Variants in SPRY3 observed in about 807,000 individuals in gnomAD.
The protein encoded by SPRY3 is sprouty RTK signaling antagonist 3.
Under a neutral mutation model 20.2 loss-of-function variants are expected in SPRY3, and 15 were observed. The ratio of observed to expected loss-of-function variants is 0.74; its 90% CI spans 0.50 to 1.14. SPRY3 has a LOEUF of 1.14. SPRY3 is among the 50% of genes most tolerant of loss of function. The probability of loss-of-function intolerance (pLI) is 0.00; values close to 1 mark genes in which losing one functional copy is unlikely to be tolerated. For missense variants in SPRY3, 364 were observed against 363.9 expected, an observed-to-expected ratio of 1.00 and a Z score of 0.00; for synonymous variants, 143 against 136.5, an observed-to-expected ratio of 1.05 and a Z score of -0.33.
chrX:155,778,124 T>C (rs887013311), downstream of SPRY3: 9 of 166,960 alleles, frequency 5.4e-5, no homozygotes, highest in African/African-American at 2.2e-4. Context: ...GTAACAATTG[T>C]AAATGGTAGA....
chrX:155,728,315 C>T (rs1160462789), intron 2 of SPRY3, among the ~76,000 whole-genome samples: 1 of 152,176 alleles, frequency 6.6e-6, no homozygotes, highest in Non-Finnish European at 1.5e-5. Flanking sequence ...GCTCAAACGC[C>T]ATACTGTGAG....
At chrX:155,718,864 T>C (rs1193180229) in intron 2 of SPRY3, among the ~76,000 whole-genome samples, 2 of 151,996 alleles carry the variant, frequency 1.3e-5, no homozygotes, top group African/African-American at 2.4e-5. Context: ...AAATGAAACA[T>C]GATAGGTAAG....
At position 155,710,804 on chromosome X, in the gene SPRY3, C is replaced by T. The variant is rs769254237; in HGVS notation, c.-282+53779C>T. On this transcript the variant is annotated intron_variant, in intron 2 of 3. Transcript: ENST00000675360. ...ATAATACTAGCTGTGGGTCTGTCAT[C>T]TATGGCTTTTATTATGTTGAAGTAT... is the stretch of plus-strand genomic sequence containing the variant. 5.3e-5 allele frequency among the ~76,000 whole-genome samples: 8 copies of T among 151,758 alleles called. No homozygotes were observed. In the East Asian group the frequency reaches 1.5e-3, roughly 29 times the overall value.
chrX:155,747,410 A>G (rs995957502), intron 2 of SPRY3, among the ~76,000 whole-genome samples: 5 of 151,900 alleles, frequency 3.3e-5, no homozygotes, highest in Admixed American at 3.3e-4. Context: ...AAAAGAAAAG[A>G]TTTTCCTATT....
intron 2 of SPRY3, among the ~76,000 whole-genome samples, chrX:155,670,480 A>T (rs1256915722): frequency 8.9e-6 from 1 of 111,891 alleles, no homozygotes; most frequent in East Asian, 2.8e-4. Context: ...AAATCACTTA[A>T]CTAACAGTCA....
intron 2 of SPRY3, among the ~76,000 whole-genome samples, chrX:155,719,161 G>A (rs915330763): frequency 5.3e-5 from 8 of 152,124 alleles, no homozygotes; most frequent in Admixed American, 1.3e-4. Flanking sequence ...TGCACTGGGG[G>A]AGGGAGAGCC....
chrX:155,704,050 A>G (rs1288693722), intron 2 of SPRY3, among the ~76,000 whole-genome samples: 1 of 151,890 alleles, frequency 6.6e-6, no homozygotes, highest in Non-Finnish European at 1.5e-5. Context: ...TCAAGGCATA[A>G]AATCTATTTA....
chrX:155,692,235 ACTGTGAGG>A (rs2068105232), intron 2 of SPRY3, among the ~76,000 whole-genome samples: 1 of 111,068 alleles, frequency 9.0e-6, no homozygotes, highest in African/African-American at 3.3e-5. Flanking sequence ...TTTTGTGTAC[ACTGTGAGG>A]CAAAAGTCAA....
At chrX:155,635,330 A>AGTGCC (rs1315880311) in intron 1 of SPRY3, among the ~76,000 whole-genome samples, 2 of 111,265 alleles carry the variant, frequency 1.8e-5, no homozygotes, top group Non-Finnish European at 3.8e-5. Flanking sequence ...TATTGTGAAC[A>AGTGCC]GTGCCACAAT....
chrX:155,745,461 A>G (rs2085051747), intron 2 of SPRY3, among the ~76,000 whole-genome samples: 1 of 152,104 alleles, frequency 6.6e-6, no homozygotes, highest in Non-Finnish European at 1.5e-5. Flanking sequence ...TATAAGAGAC[A>G]AAATCTTGTG....
chrX:155,643,679 A>G (rs2067949118), intron 1 of SPRY3, among the ~76,000 whole-genome samples: 1 of 111,522 alleles, frequency 9.0e-6, no homozygotes, highest in Non-Finnish European at 1.9e-5. Flanking sequence ...CTGTCTTATA[A>G]TCCATTTTTT....
chrX:155,723,999 A>G (rs2091080843), intron 2 of SPRY3, among the ~76,000 whole-genome samples: 1 of 152,196 alleles, frequency 6.6e-6, no homozygotes, highest in Admixed American at 6.5e-5. Flanking sequence ...AGCTTTCTCC[A>G]TATGGCTAGC....
At position 155,711,752 on chromosome X, in the gene SPRY3, C is replaced by T. The variant is rs774589998; in HGVS notation, c.-282+54727C>T. Among the ~76,000 whole-genome samples, 28 of 148,542 alleles carry T rather than the reference C, an allele frequency of 1.9e-4. No homozygotes were observed. In the East Asian group the frequency reaches 5.1e-3, roughly 27 times the overall value. ...TTTATCTATTTACTAATTTTGGGAT[C>T]GGTTTGTTCTTGGCTTTCTAGCTCT... On this transcript the variant is annotated intron_variant, in intron 2 of 3. Coordinates refer to ENST00000675360, the Ensembl canonical transcript of SPRY3.
At chrX:155,767,920 T>TTTTG (rs999397657) in intron 2 of SPRY3, 42 bp from the exon 2 acceptor site, 2 of 128,854 alleles carry the variant, frequency 1.6e-5, no homozygotes, top group African/African-American at 5.0e-5. Flanking sequence ...TTTTGTTTTG[T>TTTTG]TTTGTTTTGT....
intron 2 of SPRY3, among the ~76,000 whole-genome samples, chrX:155,755,745 G>A (rs1225589955): frequency 1.3e-5 from 2 of 152,006 alleles, no homozygotes; most frequent in Non-Finnish European, 2.9e-5. Context: ...TTAGCCTTTG[G>A]GCATCTGCTT....
chrX:155,778,342 A>G (rs1398564766), downstream of SPRY3: 1 of 167,050 alleles, frequency 6.0e-6, no homozygotes, highest in African/African-American at 2.4e-5. Context: ...GGCATCATAT[A>G]TTAGCTGTCT....
chrX:155,725,591 A>C (rs2091091876), intron 2 of SPRY3, among the ~76,000 whole-genome samples: 1 of 152,116 alleles, frequency 6.6e-6, no homozygotes, highest in African/African-American at 2.4e-5. Context: ...TTCTAGATTT[A>C]ATAGATTATT....
At chrX:155,782,301 T>G (rs1194591023) in exon 2 of SPRY3, 2 of 166,862 alleles carry the variant, frequency 1.2e-5, no homozygotes, top group African/African-American at 2.4e-5. Flanking sequence ...GAAACACATT[T>G]CTTGAACTCC....
chrX:155,616,100 G>GTCTCTCTCCCTCTCTCTTTCTCTCTC (rs1557348835), intron 1 of SPRY3, among the ~76,000 whole-genome samples: 1 of 42,890 alleles, frequency 2.3e-5, no homozygotes, highest in African/African-American at 5.9e-5. Context: ...TTTATCTGGG[G>GTCTCTCTCCCTCTCTCTTTCTCTCTC]TCTCTCTCTC....
Sources: gnomAD v4.1 joint callset for allele counts (sites outside exome capture counted in the v4.1 genomes callset) on GRCh38, gnomAD v4.1.1 for gene constraint, MANE v1.5 for transcripts, NCBI Gene and HGNC (gene_info 2026-07-23, HGNC 2026-07-21) for gene names.